Variants in RBMS1 observed in about 807,000 individuals in gnomAD.
RBMS1 encodes RNA-binding motif, single-stranded-interacting protein 1.
Under a neutral mutation model 62.3 loss-of-function variants are expected in RBMS1, and 17 were observed. The observed-to-expected ratio is 0.27, with a 90% CI of 0.19 to 0.41. RBMS1 has a LOEUF of 0.41. Ranked by LOEUF, RBMS1 falls within the 10% of genes least tolerant of loss-of-function variation. RBMS1 has a pLI of 1.00. For synonymous variants in RBMS1, 172 were observed against 170.0 expected (o/e 1.01, Z -0.09); for missense variants, 334 against 504.5 (o/e 0.66, Z 3.24).
At chr2:160,399,140 G>A (rs1176649065) in intron 1 of RBMS1, among the ~76,000 whole-genome samples, 3 of 152,000 alleles carry the variant, frequency 2.0e-5, no homozygotes, top group African/African-American at 4.8e-5. Flanking sequence ...CTGAAATGTC[G>A]CCTTCCATGA....
chr2:160,285,308 A>T (rs1434442382), intron 7 of RBMS1, among the ~76,000 whole-genome samples: 1 of 152,154 alleles, frequency 6.6e-6, no homozygotes, highest in Non-Finnish European at 1.5e-5. Context: ...GTCTAGTAGC[A>T]TTTGATAAAA....
At chr2:160,484,073 A>T (rs2105360910) in intron 1 of RBMS1, among the ~76,000 whole-genome samples, 1 of 151,422 alleles carries the variant, frequency 6.6e-6, no homozygotes, top group Non-Finnish European at 1.5e-5. Context: ...TCTTGGCTTC[A>T]AGCAATCCTC....
intron 9 of RBMS1, chr2:160,283,254 C>G (rs1168078121): frequency 1.3e-5 from 2 of 152,194 alleles, no homozygotes; most frequent in African/African-American, 4.8e-5. Context: ...ATATAAATGA[C>G]AGAGGTTTCC....
chr2:160,391,588 A>T (rs1444024262), intron 1 of RBMS1, among the ~76,000 whole-genome samples: 1 of 152,210 alleles, frequency 6.6e-6, no homozygotes, highest in Non-Finnish European at 1.5e-5. Flanking sequence ...GAAAAACATT[A>T]ATATTTTGCT....
chr2:160,390,564 C>T (rs552614370), intron 1 of RBMS1, among the ~76,000 whole-genome samples: 1 of 151,892 alleles, frequency 6.6e-6, no homozygotes, highest in South Asian at 2.1e-4. Flanking sequence ...AGTGTGGTGG[C>T]ACACGCCTGT....
chr2:160,453,450 G>T (rs911185437), intron 1 of RBMS1, among the ~76,000 whole-genome samples: 2 of 151,734 alleles, frequency 1.3e-5, no homozygotes, highest in Non-Finnish European at 2.9e-5. Flanking sequence ...ATAATTTTCT[G>T]CATTTTCCAA....
At chr2:160,468,275 A>T (rs7425305) in intron 1 of RBMS1, among the ~76,000 whole-genome samples, 2 of 152,110 alleles carry the variant, frequency 1.3e-5, no homozygotes, top group East Asian at 1.9e-4. Flanking sequence ...TGAGTAACAA[A>T]GGTTTCAAAG....
At chr2:160,304,819 T>TA (rs1317612029) in intron 4 of RBMS1, among the ~76,000 whole-genome samples, 1 of 152,166 alleles carries the variant, frequency 6.6e-6, no homozygotes, top group Admixed American at 6.5e-5. Context: ...GTTTATAAAG[T>TA]AAAAAAGTTA....
At chr2:160,408,769 A>T (rs535370990) in intron 1 of RBMS1, among the ~76,000 whole-genome samples, 2 of 152,268 alleles carry the variant, frequency 1.3e-5, no homozygotes, top group Admixed American at 1.3e-4. Context: ...CCGTGGACGT[A>T]TGAAGCCCCG....
At chr2:160,320,285 C>G (rs770994524) in intron 2 of RBMS1, among the ~76,000 whole-genome samples, 1 of 152,106 alleles carries the variant, frequency 6.6e-6, no homozygotes, top group African/African-American at 2.4e-5. Context: ...CTGGGCAACA[C>G]GGCAAAACCC....
chr2:160,294,440 G>A (rs1172847619), intron 6 of RBMS1, among the ~76,000 whole-genome samples: 3 of 152,164 alleles, frequency 2.0e-5, no homozygotes, highest in Non-Finnish European at 2.9e-5. Flanking sequence ...ACCCAGCCAT[G>A]CCACTCGGGT....
chr2:160,485,045 G>A (rs925577333), intron 1 of RBMS1, among the ~76,000 whole-genome samples: 5 of 152,196 alleles, frequency 3.3e-5, no homozygotes, highest in African/African-American at 1.2e-4. Flanking sequence ...TGAGGCTGTA[G>A]TAATCTAGTA....
chr2:160,337,062 T>C (rs909990752), intron 2 of RBMS1, among the ~76,000 whole-genome samples: 1 of 152,170 alleles, frequency 6.6e-6, no homozygotes, highest in African/African-American at 2.4e-5. Flanking sequence ...GGTTAATCTC[T>C]GAGAATGTCT....
At position 160,408,050 on chromosome 2, in the gene RBMS1, G is replaced by C. The variant is rs1362111343; in HGVS notation, c.76-40659C>G. Among the ~76,000 whole-genome samples, 5 of 149,386 alleles carry C rather than the reference G, an allele frequency of 3.3e-5. No individual in the cohort carries two copies. In the East Asian group the frequency reaches 6.0e-4, roughly 18 times the overall value. On this transcript the variant is annotated intron_variant, in intron 1 of 13. Transcript: ENST00000348849. ...CCCCCGCGCTCTCCCTCCCGGGATC[G>C]GGGCCGGAGCCGGGGCCGGGCGGCC... is the stretch of plus-strand genomic sequence containing the variant.
At chr2:160,359,287 C>T (rs1692990047) in intron 2 of RBMS1, among the ~76,000 whole-genome samples, 1 of 152,142 alleles carries the variant, frequency 6.6e-6, no homozygotes, top group South Asian at 2.1e-4. Context: ...GGCAATGAAA[C>T]CTTTGGTCTA....
At chr2:160,478,553 A>G (rs1685234525) in intron 1 of RBMS1, among the ~76,000 whole-genome samples, 1 of 152,220 alleles carries the variant, frequency 6.6e-6, no homozygotes, top group South Asian at 2.1e-4. Context: ...TCAAAGAGTT[A>G]GTGACCTGTA....
intron 1 of RBMS1, among the ~76,000 whole-genome samples, chr2:160,369,905 G>GT (rs1363083400): frequency 6.6e-6 from 1 of 152,024 alleles, no homozygotes; most frequent in Non-Finnish European, 1.5e-5. Context: ...AAAGTAGTAG[G>GT]TTTTTTTATT....
chr2:160,454,958 A>C (rs564078455), intron 1 of RBMS1, among the ~76,000 whole-genome samples: 1 of 152,326 alleles, frequency 6.6e-6, no homozygotes, highest in South Asian at 2.1e-4. Flanking sequence ...ATTCAGTCAA[A>C]TATTTGTCTC....
chr2:160,429,632 T>C (rs540786906), intron 1 of RBMS1, among the ~76,000 whole-genome samples: 3 of 152,376 alleles, frequency 2.0e-5, no homozygotes, highest in African/African-American at 7.2e-5. Flanking sequence ...ATGGTTATTA[T>C]GTACAGCACA....
Sources: allele counts gnomAD v4.1 joint callset (sites outside exome capture counted in the v4.1 genomes callset), GRCh38; gene constraint gnomAD v4.1.1; transcripts MANE v1.5; gene names NCBI Gene and HGNC (gene_info 2026-07-23, HGNC 2026-07-21).